The following SLC30A6 variants were observed in gnomAD, a reference collection of about 807,000 sequenced individuals.
SLC30A6 encodes solute carrier family 30 member 6, also known as zinc transporter 6.
A neutral mutation model predicts 63.0 loss-of-function variants in SLC30A6; 55 were observed. That is an observed-to-expected ratio of 0.87 (90% CI 0.70 to 1.09). The LOEUF (loss-of-function observed/expected upper bound fraction) is 1.09, where lower values mean the gene tolerates loss of function less well. Ranked by LOEUF, SLC30A6 falls within the 50% of genes least tolerant of loss-of-function variation. The pLI, the probability that SLC30A6 is intolerant of heterozygous loss-of-function variation, is 0.00. For synonymous variants in SLC30A6, 224 were observed against 186.1 expected (o/e 1.20, Z -1.66); for missense variants, 587 against 549.2 (o/e 1.07, Z -0.69).
intron 10 of SLC30A6, chr2:32,204,080 C>G (rs1301274917): frequency 3.8e-6 from 2 of 524,004 alleles, no homozygotes; most frequent in Non-Finnish European, 6.8e-6. Flanking sequence ...ATTAGGTCAT[C>G]ATAGTTGAGG....
intron 7 of SLC30A6, 82 bp from the exon 8 acceptor site, chr2:32,193,807 C>G (rs988982050): frequency 9.2e-7 from 1 of 1,087,400 alleles, no homozygotes; most frequent in Non-Finnish European, 1.4e-6. Flanking sequence ...CTTCCCACCT[C>G]TTAGTCCCTC....
chr2:32,216,342 C>G (rs1263337542), intron 13 of SLC30A6, among the ~76,000 whole-genome samples: 1 of 152,080 alleles, frequency 6.6e-6, no homozygotes, highest in African/African-American at 2.4e-5. Flanking sequence ...TCAAGACCAG[C>G]CTGGCCAACA....
chr2:32,196,471 T>C (rs558171614), intron 8 of SLC30A6, among the ~76,000 whole-genome samples: 99 of 152,298 alleles, frequency 6.5e-4, no homozygotes, highest in African/African-American at 2.3e-3. Context: ...CTCACCTGGC[T>C]TTTTTGAGAG....
In SLC30A6 at chr2:32,222,955, C is replaced by G. The variant is rs1366948367; in HGVS notation, c.*2242C>G. The G allele has an allele frequency of 6.6e-6, 1 of 152,186 alleles. No homozygotes were observed. Among genetic ancestry groups the G allele is most frequent in the Non-Finnish European group, 1.5e-5 (1 of 68,042 alleles). 9.4% of individuals were successfully genotyped at this position (152,186 alleles called of 1,614,324 possible). ...CTGTGTGAGGTTTTATGCCTACTTC[C>G]TCAACACCAATTCAGAGGCAACACC... On this transcript the variant is annotated 3_prime_UTR_variant, in exon 14 of 14. Transcript: ENST00000282587.
intron 4 of SLC30A6, among the ~76,000 whole-genome samples, chr2:32,179,629 A>T (rs1682105761): frequency 1.3e-5 from 2 of 152,212 alleles, no homozygotes; most frequent in Admixed American, 1.3e-4. Context: ...GCCTTAGACA[A>T]TAAAATCAAA....
intron 7 of SLC30A6, 148 bp from the exon 8 acceptor site, chr2:32,193,741 A>C: frequency 1.2e-5 from 7 of 607,006 alleles, no homozygotes; most frequent in Non-Finnish European, 1.4e-5. Context: ...GGGGCTAGTA[A>C]CTAAGTTCAG....
rs138345629 is a variant in SLC30A6, at chr2:32,208,995, T to G, written c.817-498T>G. Among the ~76,000 whole-genome samples the G allele has an allele frequency of 2.0e-5, 3 of 152,362 alleles. No individual in the cohort carries two copies. In the East Asian group the frequency reaches 5.8e-4, roughly 29 times the overall value. ...GAAGCCTGGCCTTGAGTATGTGTCC[T>G]GTGCAACTGTACCAGTGGGCTACAC... On this transcript the variant is annotated intron_variant, in intron 12 of 13. Transcript: ENST00000282587.
At chr2:32,206,976 G>C in intron 12 of SLC30A6, 43 bp downstream of exon 12, 2 of 1,478,500 alleles carry the variant, frequency 1.4e-6, no homozygotes, top group Non-Finnish European at 1.9e-6. Context: ...TTTATATCAG[G>C]GAATTGAAAA....
chr2:32,168,758 G>A (rs1680910640), intron 1 of SLC30A6, among the ~76,000 whole-genome samples: 1 of 152,176 alleles, frequency 6.6e-6, no homozygotes, highest in Admixed American at 6.6e-5. Context: ...GAGTAGACCA[G>A]TTTAACTGAA....
chr2:32,192,123 T>C (rs1039697417), intron 5 of SLC30A6, among the ~76,000 whole-genome samples: 3 of 152,052 alleles, frequency 2.0e-5, no homozygotes, highest in Non-Finnish European at 2.9e-5. Flanking sequence ...TTCTGAGTCC[T>C]AGGAATTGTA....
intron 1 of SLC30A6, 74 bp from the exon 2 acceptor site, chr2:32,171,213 C>A: frequency 1.6e-6 from 2 of 1,217,048 alleles, no homozygotes; most frequent in Non-Finnish European, 1.2e-6. Flanking sequence ...TCATAGGAAC[C>A]ACTATATCAT....
chr2:32,193,864 T>G (rs1683550869), intron 7 of SLC30A6, 25 bp from the exon 8 acceptor site: 4 of 1,568,590 alleles, frequency 2.6e-6, no homozygotes, highest in Non-Finnish European at 3.5e-6. Flanking sequence ...AAATTAAAGG[T>G]GAATGTTATC....
intron 13 of SLC30A6, among the ~76,000 whole-genome samples, chr2:32,213,030 C>G (rs1332945277): frequency 1.3e-5 from 2 of 151,642 alleles, no homozygotes; most frequent in African/African-American, 4.8e-5. Flanking sequence ...CTCAGCCTTC[C>G]CAGTAGCTGG....
intron 4 of SLC30A6, among the ~76,000 whole-genome samples, chr2:32,182,606 T>C (rs1175341587): frequency 6.6e-6 from 1 of 152,192 alleles, no homozygotes; most frequent in Non-Finnish European, 1.5e-5. Context: ...TCTTTATCTC[T>C]CATCTCTGTT....
intron 5 of SLC30A6, among the ~76,000 whole-genome samples, chr2:32,190,442 G>C (rs1421727817): frequency 1.3e-5 from 2 of 148,526 alleles, no homozygotes; most frequent in African/African-American, 2.5e-5. Flanking sequence ...CTGGGCGACA[G>C]AGTGAGACTC....
At chr2:32,215,358 C>G (rs1685605127) in intron 13 of SLC30A6, among the ~76,000 whole-genome samples, 1 of 151,752 alleles carries the variant, frequency 6.6e-6, no homozygotes. Context: ...CCACGCCTGG[C>G]TAATTTTTGT....
chr2:32,169,610 C>T (rs1681006847), intron 1 of SLC30A6, among the ~76,000 whole-genome samples: 1 of 152,160 alleles, frequency 6.6e-6, no homozygotes, highest in Non-Finnish European at 1.5e-5. Flanking sequence ...AACCCCGTCT[C>T]TACTAAAGGT....
chr2:32,189,151 TTGCA>T (rs1683096350), intron 5 of SLC30A6, among the ~76,000 whole-genome samples: 1 of 152,180 alleles, frequency 6.6e-6, no homozygotes, highest in Admixed American at 6.6e-5. Context: ...TAGTTTGGAT[TTGCA>T]TGTTCATTAT....
intron 4 of SLC30A6, 27 bp downstream of exon 4, chr2:32,175,388 T>C (rs1294254354): frequency 6.2e-7 from 1 of 1,600,162 alleles, no homozygotes; most frequent in African/African-American, 1.3e-5. Context: ...TCTTAATGTT[T>C]TGGAGCTAAT....
Sources: gnomAD v4.1 joint callset for allele counts (sites outside exome capture counted in the v4.1 genomes callset) on GRCh38, gnomAD v4.1.1 for gene constraint, MANE v1.5 for transcripts, NCBI Gene and HGNC (gene_info 2026-07-23, HGNC 2026-07-21) for gene names.